Variants in PEBP4 observed in about 807,000 individuals in gnomAD.
The protein encoded by PEBP4 is phosphatidylethanolamine-binding protein 4.
PEBP4 carries 22 observed loss-of-function variants against 23.9 expected under a neutral mutation model. That is an observed-to-expected ratio of 0.92 (90% CI 0.66 to 1.31). PEBP4 has a LOEUF of 1.31. Among genes scored for constraint, PEBP4 ranks in the 40% most tolerant of loss-of-function variants. The probability of loss-of-function intolerance (pLI) is 0.00; values close to 1 mark genes in which losing one functional copy is unlikely to be tolerated. For synonymous variants in PEBP4, 112 were observed against 99.3 expected, an observed-to-expected ratio of 1.13 and a Z score of -0.76; for missense variants, 324 against 281.7, an observed-to-expected ratio of 1.15 and a Z score of -1.07.
intron 3 of PEBP4, among the ~76,000 whole-genome samples, chr8:22,917,708 C>T (rs1358573007): frequency 2.0e-5 from 3 of 152,210 alleles, no homozygotes; most frequent in Non-Finnish European, 4.4e-5. Flanking sequence ...GGCAACCATC[C>T]TCCTCTACTC....
Position 22,812,197 on chromosome 8 carries a change from C to T in PEBP4, c.357+5440G>A, listed in dbSNP as rs570550129. Among the ~76,000 whole-genome samples, 6 of 152,240 alleles carry T rather than the reference C, an allele frequency of 3.9e-5. No individual in the cohort carries two copies. The South Asian group carries it at 1.2e-3, about 32-fold the overall frequency. Reference sequence around the variant, plus strand: ...CAAACAACTCGCTCAGCAGTGGAACCGATCACTCAAGCACAGGTGTCCTGG... The same window carrying T: ...CAAACAACTCGCTCAGCAGTGGAACTGATCACTCAAGCACAGGTGTCCTGG... On this transcript the variant is annotated intron_variant, in intron 4 of 6. Coordinates refer to ENST00000256404, the MANE Select transcript of PEBP4 (RefSeq NM_144962.3).
chr8:22,746,924 C>G (rs1218895441), intron 4 of PEBP4, among the ~76,000 whole-genome samples: 1 of 152,164 alleles, frequency 6.6e-6, no homozygotes, highest in Admixed American at 6.5e-5. Context: ...AATTACGGCT[C>G]AAGTGATCTT....
At chr8:22,793,526 CCA>C (rs1806183882) in intron 4 of PEBP4, among the ~76,000 whole-genome samples, 1 of 151,724 alleles carries the variant, frequency 6.6e-6, no homozygotes, top group Admixed American at 6.6e-5. Context: ...AGTGTTCTGC[CCA>C]CCTCAGCCTC....
chr8:22,776,126 A>C (rs1805809541), intron 4 of PEBP4, among the ~76,000 whole-genome samples: 1 of 152,112 alleles, frequency 6.6e-6, no homozygotes, highest in African/African-American at 2.4e-5. Flanking sequence ...AATACTTAGA[A>C]AGCCTCGTGA....
chr8:22,728,321 C>T (rs140558074), intron 4 of PEBP4, among the ~76,000 whole-genome samples: 3 of 152,248 alleles, frequency 2.0e-5, no homozygotes, highest in African/African-American at 4.8e-5. Flanking sequence ...TGCAGCTTGT[C>T]TATTATTGTC....
chr8:22,796,592 C>G (rs1346722985), intron 4 of PEBP4, among the ~76,000 whole-genome samples: 1 of 152,172 alleles, frequency 6.6e-6, no homozygotes, highest in Admixed American at 6.5e-5. Context: ...TAAGAAGAAG[C>G]ACTTGCTGCA....
intron 4 of PEBP4, among the ~76,000 whole-genome samples, chr8:22,806,857 G>A (rs1413383345): frequency 1.3e-5 from 2 of 152,194 alleles, no homozygotes; most frequent in African/African-American, 4.8e-5. Context: ...AAGCTGTACT[G>A]TGCTTACTGA....
intron 1 of PEBP4, among the ~76,000 whole-genome samples, chr8:22,940,598 C>T (rs1447330761): frequency 6.6e-6 from 1 of 151,162 alleles, no homozygotes; most frequent in African/African-American, 2.4e-5. Flanking sequence ...ATGCCATTCT[C>T]CTGCATCAGC....
chr8:22,832,321 A>G (rs1255824850), intron 3 of PEBP4, among the ~76,000 whole-genome samples: 2 of 152,170 alleles, frequency 1.3e-5, no homozygotes, highest in African/African-American at 4.8e-5. Flanking sequence ...TCATAAGAAG[A>G]GACACTAGAG....
intron 4 of PEBP4, among the ~76,000 whole-genome samples, chr8:22,731,825 ATTTT>A (rs572580381): frequency 9.2e-5 from 13 of 141,442 alleles, no homozygotes; most frequent in Middle Eastern, 3.5e-3. Flanking sequence ...CGCCCGGCTA[ATTTT>A]TTTTTTTTTT....
chr8:22,827,214 T>C (rs1373253462), intron 3 of PEBP4, among the ~76,000 whole-genome samples: 2 of 152,176 alleles, frequency 1.3e-5, no homozygotes, highest in East Asian at 1.9e-4. Flanking sequence ...CCAGATAAAG[T>C]TTTAAAAAAC....
At chr8:22,731,420 A>G (rs1409636886) in intron 4 of PEBP4, among the ~76,000 whole-genome samples, 1 of 152,114 alleles carries the variant, frequency 6.6e-6, no homozygotes, top group Non-Finnish European at 1.5e-5. Context: ...TCTTAATACC[A>G]TTTTCTTTTC....
At chr8:22,930,443 C>T (rs961914145), upstream of PEBP4, among the ~76,000 whole-genome samples, 1 of 152,046 alleles carries the variant, frequency 6.6e-6, no homozygotes, top group African/African-American at 2.4e-5. Context: ...TCCCCCCAGC[C>T]TATAAGCTTC....
intron 3 of PEBP4, among the ~76,000 whole-genome samples, chr8:22,897,047 A>G (rs184638276): frequency 1.2e-3 from 187 of 151,138 alleles, no homozygotes; most frequent in Admixed American, 8.9e-3. Flanking sequence ...GTGTGTGTGT[A>G]TGTATATATA....
At chr8:22,809,089 A>G in intron 4 of PEBP4, among the ~76,000 whole-genome samples, 1 of 152,126 alleles carries the variant, frequency 6.6e-6, no homozygotes, top group Non-Finnish European at 1.5e-5. Flanking sequence ...CTTCCTATGG[A>G]GGATTGAGGG....
chr8:22,773,055 A>C (rs1455949219), intron 4 of PEBP4, among the ~76,000 whole-genome samples: 1 of 151,994 alleles, frequency 6.6e-6, no homozygotes, highest in Non-Finnish European at 1.5e-5. Flanking sequence ...CCCCAAAGAA[A>C]AATGAAAGAA....
chr8:22,717,457 T>C (rs200603600), intron 6 of PEBP4, among the ~76,000 whole-genome samples: 1 of 57,894 alleles, frequency 1.7e-5, no homozygotes, highest in Non-Finnish European at 3.3e-5. Flanking sequence ...TCCTGATGTA[T>C]TTCCATCCTG....
At chr8:22,729,762 C>T (rs772042026) in intron 4 of PEBP4, among the ~76,000 whole-genome samples, 5 of 152,210 alleles carry the variant, frequency 3.3e-5, no homozygotes, top group Non-Finnish European at 7.3e-5. Context: ...TGCTGGTCCT[C>T]ACTGGCAGAA....
intron 6 of PEBP4, among the ~76,000 whole-genome samples, chr8:22,715,428 G>A (rs1364705724): frequency 6.6e-6 from 1 of 152,236 alleles, no homozygotes; most frequent in African/African-American, 2.4e-5. Context: ...ACGTGTGTGT[G>A]CGCACGCGCA....
Sources: gnomAD v4.1 joint callset for allele counts (sites outside exome capture counted in the v4.1 genomes callset) on GRCh38, gnomAD v4.1.1 for gene constraint, MANE v1.5 for transcripts, NCBI Gene and HGNC (gene_info 2026-07-23, HGNC 2026-07-21) for gene names.